MYLK: variants seen among roughly 807,000 people sequenced by gnomAD.
MYLK encodes myosin light chain kinase, smooth muscle.
A neutral mutation model predicts 203.4 loss-of-function variants in MYLK; 106 were observed. The observed-to-expected ratio is 0.52, with a 90% CI of 0.45 to 0.61. MYLK has a LOEUF of 0.61. Ranked by LOEUF, MYLK falls within the 20% of genes least tolerant of loss-of-function variation. The pLI, the probability that MYLK is intolerant of heterozygous loss-of-function variation, is 0.00. For missense variants in MYLK, 2,072 were observed against 2,442.3 expected, an observed-to-expected ratio of 0.85 and a Z score of 3.20; for synonymous variants, 867 against 959.5, an observed-to-expected ratio of 0.90 and a Z score of 1.78.
chr3:123,720,035 G>A (rs1011953209), intron 13 of MYLK, among the ~76,000 whole-genome samples: 7 of 151,964 alleles, frequency 4.6e-5, no homozygotes, highest in African/African-American at 1.2e-4. Flanking sequence ...CTGAGCGTGC[G>A]GCTGCGTCTT....
At position 123,708,717 on chromosome 3, in the gene MYLK, C is replaced by G; in HGVS notation, c.2121G>C (p.Gln707His). Reference sequence around the variant, plus strand: ...CCTCACCTTGTACCGTGAGCACGGCCTGGGTGCGGACCTCTCCAGCGCTGT... The same window carrying G: ...CCTCACCTTGTACCGTGAGCACGGCGTGGGTGCGGACCTCTCCAGCGCTGT... ...AWNSAGEVRT[Q>H]AVLTVQEPHD... Residue 707 changes from glutamine to histidine, a missense_variant, in exon 15 of 34, where the codon CAG (glutamine) becomes CAC (histidine). Around this residue, in one of 3 missense-constraint regions of MYLK, gnomAD observed 865 missense variants for 1,016.0 expected, o/e 0.85. Coordinates refer to ENST00000360304, the MANE Select transcript of MYLK (RefSeq NM_053025.4). 3 of 1,614,130 alleles carry G rather than the reference C, an allele frequency of 1.9e-6. No homozygotes were observed. Among genetic ancestry groups the G allele is most frequent in the Non-Finnish European group, 2.5e-6 (3 of 1,180,032 alleles).
At chr3:123,747,383 C>T (rs567749408) in intron 5 of MYLK, among the ~76,000 whole-genome samples, 18 of 152,148 alleles carry the variant, frequency 1.2e-4, no homozygotes, top group East Asian at 3.9e-4. Context: ...GCAGGAGCTG[C>T]GGCACTGAGG....
chr3:123,746,763 G>T lies in MYLK; in HGVS notation c.373+5568C>A, dbSNP rs552954703. On this transcript the variant is annotated intron_variant, in intron 5 of 33. Coordinates refer to ENST00000360304, the MANE Select transcript of MYLK (RefSeq NM_053025.4). ...TTGTATTGTTAACTTTAATGAGACA[G>T]AAAAGGACAAAAACTCAGAGCATTT... 9.9e-4 allele frequency among the ~76,000 whole-genome samples: 151 copies of T among 151,914 alleles called. 1 individual carries two copies. The Middle Eastern group carries it at 0.01, about 10-fold the overall frequency.
intron 4 of MYLK, among the ~76,000 whole-genome samples, chr3:123,782,822 C>A (rs968742513): frequency 6.6e-6 from 1 of 152,172 alleles, no homozygotes; most frequent in Non-Finnish European, 1.5e-5. Context: ...AGTAAACCAT[C>A]ACTGAGAAAT....
At chr3:123,778,936 G>T (rs2064182759) in intron 4 of MYLK, among the ~76,000 whole-genome samples, 1 of 152,180 alleles carries the variant, frequency 6.6e-6, no homozygotes, top group Admixed American at 6.5e-5. Flanking sequence ...CCAGCACTAA[G>T]GTGTCCAGAA....
intron 4 of MYLK, among the ~76,000 whole-genome samples, chr3:123,785,908 A>G (rs2064495380): frequency 1.3e-5 from 2 of 152,228 alleles, no homozygotes; most frequent in Non-Finnish European, 2.9e-5. Context: ...GTGGGTAGGT[A>G]TCCTATTGGA....
At chr3:123,790,456 G>A (rs1392475043) in intron 4 of MYLK, among the ~76,000 whole-genome samples, 1 of 152,214 alleles carries the variant, frequency 6.6e-6, no homozygotes, top group African/African-American at 2.4e-5. Flanking sequence ...CCTAAAGGCT[G>A]TGAGGGACTG....
intron 2 of MYLK, among the ~76,000 whole-genome samples, chr3:123,834,622 G>A (rs573513883): frequency 3.9e-5 from 6 of 152,080 alleles, no homozygotes; most frequent in African/African-American, 7.2e-5. Flanking sequence ...CTGTCACAAC[G>A]ACTTGAGAAC....
chr3:123,704,107 C>T (rs2108609696), intron 16 of MYLK, among the ~76,000 whole-genome samples: 1 of 152,348 alleles, frequency 6.6e-6, no homozygotes, highest in East Asian at 1.9e-4. Flanking sequence ...AGCCCCAGGC[C>T]TTACCCTGTG....
chr3:123,727,720 T>A (rs2062338552), intron 11 of MYLK, among the ~76,000 whole-genome samples: 1 of 152,158 alleles, frequency 6.6e-6, no homozygotes, highest in African/African-American at 2.4e-5. Context: ...AGGAAGATTT[T>A]CTTTCCTTTT....
At chr3:123,631,586 A>G (rs2058426858) in intron 29 of MYLK, among the ~76,000 whole-genome samples, 1 of 152,176 alleles carries the variant, frequency 6.6e-6, no homozygotes, top group Admixed American at 6.5e-5. Context: ...ATTGGGAGAA[A>G]AAGCTTGCCA....
At chr3:123,820,632 T>TTCCTTCCTTCCTTCCTTCCC (rs1560259767) in intron 3 of MYLK, among the ~76,000 whole-genome samples, 3 of 141,888 alleles carry the variant, frequency 2.1e-5, no homozygotes, top group African/African-American at 7.5e-5. Flanking sequence ...CCTTCCTTCC[T>TTCCTTCCTTCCTTCCTTCCC]TCCTTCCTTC....
intron 16 of MYLK, among the ~76,000 whole-genome samples, chr3:123,706,133 G>A (rs2061452523): frequency 1.3e-5 from 2 of 152,170 alleles, no homozygotes; most frequent in South Asian, 4.1e-4. Context: ...ATGTCATTGA[G>A]CTCAGCTGAG....
chr3:123,784,376 C>CTTTTTTTTTTTTTTTTTTTT (rs576849217), intron 4 of MYLK, among the ~76,000 whole-genome samples: 1 of 78,662 alleles, frequency 1.3e-5, no homozygotes, highest in Non-Finnish European at 2.6e-5. Context: ...GGTTGACTTT[C>CTTTTTTTTTTTTTTTTTTTT]TTTTTTTTTT....
chr3:123,761,134 C>T lies in MYLK; in HGVS notation c.166-8596G>A, dbSNP rs963865174. ...GCAGTAGGAATGGAGTGGAGGGCTG[C>T]TCCCCAAACAACACAGAGACTATAA... On this transcript the variant is annotated intron_variant, in intron 4 of 33. Coordinates refer to ENST00000360304, the MANE Select transcript of MYLK (RefSeq NM_053025.4). 5.9e-5 allele frequency among the ~76,000 whole-genome samples: 9 copies of T among 152,164 alleles called. No individual in the cohort carries two copies. The South Asian group carries it at 6.2e-4, about 11-fold the overall frequency.
In MYLK at chr3:123,610,911, A is replaced by G. The variant is rs73857687; in HGVS notation, c.*3194T>C. On this transcript the variant is annotated 3_prime_UTR_variant, in exon 34 of 34. Coordinates refer to ENST00000360304, the MANE Select transcript of MYLK (RefSeq NM_053025.4). ...GTCTTATTAGTTGCATGTAGGAAAT[A>G]TCTTTTAATAAGATATGCAATGCAA... is the stretch of plus-strand genomic sequence containing the variant. 105 of 152,372 alleles carry G rather than the reference A, an allele frequency of 6.9e-4. No homozygotes were observed. Among genetic ancestry groups the G allele is most frequent in the African/African-American group, 2.5e-3 (104 of 41,594 alleles). 9.4% of individuals were successfully genotyped at this position (152,372 alleles called of 1,614,324 possible).
intron 2 of MYLK, among the ~76,000 whole-genome samples, chr3:123,875,888 AT>A (rs1275483637): frequency 6.6e-6 from 1 of 152,184 alleles, no homozygotes; most frequent in Non-Finnish European, 1.5e-5. Flanking sequence ...CTGAATATTT[AT>A]TTTTTTCAAA....
At position 123,611,361 on chromosome 3, in the gene MYLK, G is replaced by GAT. The variant is rs2107792001; in HGVS notation, c.*2742_*2743dup. On this transcript the variant is annotated 3_prime_UTR_variant, in exon 34 of 34. Transcript: ENST00000360304. ...ACAAATTCTTCAATATGAAGGTATG[G>GAT]ATAAAGCATTTGGCTGCCAATAATG... 1 of 152,244 alleles carries GAT rather than the reference G, an allele frequency of 6.6e-6. No homozygotes were observed. Among genetic ancestry groups the GAT allele is most frequent in the African/African-American group, 2.4e-5 (1 of 41,544 alleles). 9.4% of individuals were successfully genotyped at this position (152,244 alleles called of 1,614,324 possible). A position where few individuals can be genotyped will look rare whatever the true frequency, so the allele number is the denominator to read the frequency against.
In MYLK at chr3:123,778,233, C is replaced by T. The variant is rs1387451832; in HGVS notation, c.165+15444G>A. 3.3e-5 allele frequency among the ~76,000 whole-genome samples: 5 copies of T among 152,230 alleles called. No individual in the cohort carries two copies. In the East Asian group the frequency reaches 9.6e-4, roughly 29 times the overall value. ...ATACACACAGATATACTCCAGTACA[C>T]ATATATGGTATAGAGTATAACTGTG... On this transcript the variant is annotated intron_variant, in intron 4 of 33. Transcript: ENST00000360304.
Sources: gnomAD v4.1 joint callset for allele counts (sites outside exome capture counted in the v4.1 genomes callset) on GRCh38, gnomAD v4.1.1 for gene constraint, gnomAD v4.1.1 regional missense constraint, MANE v1.5 for transcripts, NCBI Gene and HGNC (gene_info 2026-07-23, HGNC 2026-07-21) for gene names.